SGIP1: variants seen among roughly 807,000 people sequenced by gnomAD.
SGIP1 encodes the protein SH3GL interacting endocytic adaptor 1, also known as SH3-containing GRB2-like protein 3-interacting protein 1.
A neutral mutation model predicts 107.5 loss-of-function variants in SGIP1; 38 were observed. The observed-to-expected ratio is 0.35, with a 90% CI of 0.27 to 0.46. SGIP1 has a LOEUF of 0.46. Ranked by LOEUF, SGIP1 falls within the 20% of genes least tolerant of loss-of-function variation. SGIP1 has a pLI of 1.00. For synonymous variants in SGIP1, 365 were observed against 366.1 expected (o/e 1.00, Z 0.03); for missense variants, 929 against 1,019.5 (o/e 0.91, Z 1.21).
chr1:66,663,381 G>A (rs1272290300), intron 8 of SGIP1, among the ~76,000 whole-genome samples: 1 of 152,122 alleles, frequency 6.6e-6, no homozygotes, highest in Non-Finnish European at 1.5e-5. Context: ...GAACACTAAA[G>A]GCTTTGACAT....
chr1:66,631,055 GAA>G lies in SGIP1; in HGVS notation c.75-2013_75-2012del, dbSNP rs1423328518. ...AGGAAGGAAGAAAGGAAGAAAGAAA[GAA>G]AGAAAGAAAGAAAGAAAGAAAGAAA... is the stretch of plus-strand genomic sequence containing the variant. On this transcript the variant is annotated intron_variant, in intron 2 of 24. Coordinates refer to ENST00000371037, the MANE Select transcript of SGIP1 (RefSeq NM_032291.4). Among the ~76,000 whole-genome samples the G allele has an allele frequency of 2.2e-3, 208 of 93,398 alleles. 1 individual carries two copies. The highest frequency in any genetic ancestry group is 7.6e-3 in the African/African-American group (203 of 26,772). The allele number at this position is 93,398 out of a possible 152,430, so 61.3% of individuals were successfully genotyped here.
chr1:66,557,380 A>G (rs1044518202), intron 1 of SGIP1, among the ~76,000 whole-genome samples: 13 of 152,150 alleles, frequency 8.5e-5, no homozygotes, highest in Admixed American at 4.6e-4. Context: ...CAAAAGGTTA[A>G]TTGGATGTGA....
intron 4 of SGIP1, among the ~76,000 whole-genome samples, chr1:66,639,131 TG>T (rs2149457546): frequency 6.6e-6 from 1 of 152,336 alleles, no homozygotes; most frequent in Admixed American, 6.5e-5. Flanking sequence ...TGCGTGCTCA[TG>T]GAGGCACAGA....
chr1:66,722,146 T>C (rs971312902), intron 19 of SGIP1, among the ~76,000 whole-genome samples: 2 of 152,082 alleles, frequency 1.3e-5, no homozygotes, highest in Non-Finnish European at 2.9e-5. Context: ...CTCTCTTCCA[T>C]CACCCCAACC....
chr1:66,674,729 C>T (rs541351667), intron 12 of SGIP1, among the ~76,000 whole-genome samples: 159 of 152,328 alleles, frequency 1.0e-3, no homozygotes, highest in African/African-American at 3.7e-3. Flanking sequence ...TCCTCCCCTC[C>T]CATTCAGAAG....
At chr1:66,541,854 C>G (rs1466260324) in intron 1 of SGIP1, among the ~76,000 whole-genome samples, 1 of 152,166 alleles carries the variant, frequency 6.6e-6, no homozygotes, top group Non-Finnish European at 1.5e-5. Context: ...TTTCTGATAT[C>G]TCAGTTGCTG....
intron 17 of SGIP1, among the ~76,000 whole-genome samples, chr1:66,691,227 G>T (rs187682392): frequency 9.2e-5 from 14 of 152,072 alleles, no homozygotes; most frequent in Admixed American, 2.6e-4. Context: ...TGGGAGAATC[G>T]TTAACTAAAG....
At chr1:66,535,582 A>C (rs1023409455) in intron 1 of SGIP1, among the ~76,000 whole-genome samples, 3 of 152,184 alleles carry the variant, frequency 2.0e-5, no homozygotes, top group African/African-American at 7.2e-5. Flanking sequence ...TGGGGGAGTG[A>C]AGAATTCTAG....
intron 1 of SGIP1, chr1:66,616,247 T>C (rs1384623216): frequency 6.6e-6 from 1 of 152,240 alleles, no homozygotes. Context: ...TTTTGATTAT[T>C]TTCAAATTTT....
At chr1:66,724,464 C>T (rs1283371445) in intron 19 of SGIP1, among the ~76,000 whole-genome samples, 1 of 152,026 alleles carries the variant, frequency 6.6e-6, no homozygotes, top group Non-Finnish European at 1.5e-5. Context: ...AATTTCAGGT[C>T]AATTTAGACA....
intron 8 of SGIP1, 38 bp from the exon 9 acceptor site, chr1:66,667,492 C>T: frequency 6.2e-7 from 1 of 1,605,188 alleles, no homozygotes; most frequent in Non-Finnish European, 8.5e-7. Flanking sequence ...CATTCTCTGA[C>T]TAGGTGTCTG....
intron 21 of SGIP1, among the ~76,000 whole-genome samples, chr1:66,737,796 C>T (rs2094318313): frequency 6.6e-6 from 1 of 152,198 alleles, no homozygotes; most frequent in South Asian, 2.1e-4. Flanking sequence ...ATCCCTTTTG[C>T]TGTTGTTTAG....
chr1:66,619,041 A>G (rs887366844), intron 1 of SGIP1, among the ~76,000 whole-genome samples: 1 of 152,138 alleles, frequency 6.6e-6, no homozygotes, highest in African/African-American at 2.4e-5. Context: ...GCATTCCACT[A>G]TTAACTGGGT....
chr1:66,689,311 G>A, intron 16 of SGIP1, 36 bp downstream of exon 16: 1 of 1,597,808 alleles, frequency 6.3e-7, no homozygotes, highest in Non-Finnish European at 8.5e-7. Flanking sequence ...CTCAGAAACA[G>A]TGAGAATGAC....
At chr1:66,547,431 C>A (rs1410224462) in intron 1 of SGIP1, among the ~76,000 whole-genome samples, 1 of 152,166 alleles carries the variant, frequency 6.6e-6, no homozygotes, top group African/African-American at 2.4e-5. Flanking sequence ...GTTCTGTATA[C>A]AATTTCAGCA....
chr1:66,679,797 G>A, intron 14 of SGIP1, 45 bp downstream of exon 14: 1 of 1,509,768 alleles, frequency 6.6e-7, no homozygotes. Context: ...GTCAAACAGA[G>A]CAGTGGCCCC....
At chr1:66,563,619 G>A (rs2059259035) in intron 1 of SGIP1, among the ~76,000 whole-genome samples, 1 of 151,968 alleles carries the variant, frequency 6.6e-6, no homozygotes. Context: ...CTTAGCAGCT[G>A]GGAAATTCTG....
intron 1 of SGIP1, among the ~76,000 whole-genome samples, chr1:66,604,688 A>G (rs1367751545): frequency 2.0e-5 from 3 of 152,212 alleles, no homozygotes; most frequent in Non-Finnish European, 2.9e-5. Flanking sequence ...TTCACAAACT[A>G]TCACCACTTT....
chr1:66,637,288 A>G (rs534883394), intron 4 of SGIP1, among the ~76,000 whole-genome samples: 4 of 152,266 alleles, frequency 2.6e-5, no homozygotes, highest in African/African-American at 9.6e-5. Flanking sequence ...CAATGGTTAA[A>G]CCAACAAAGA....
Sources: allele counts gnomAD v4.1 joint callset (sites outside exome capture counted in the v4.1 genomes callset), GRCh38; gene constraint gnomAD v4.1.1; transcripts MANE v1.5; gene names NCBI Gene and HGNC (gene_info 2026-07-23, HGNC 2026-07-21).